GPRC5C: variants seen among roughly 807,000 people sequenced by gnomAD.
GPRC5C encodes the protein G protein-coupled receptor class C group 5 member C.
Under a neutral mutation model 31.4 loss-of-function variants are expected in GPRC5C, and 22 were observed. The ratio of observed to expected loss-of-function variants is 0.70; its 90% CI spans 0.50 to 1.00. The LOEUF (loss-of-function observed/expected upper bound fraction) is 1.00. Ranked by LOEUF, GPRC5C falls within the 50% of genes least tolerant of loss-of-function variation. The probability of loss-of-function intolerance (pLI) is 0.00; values close to 1 mark genes in which losing one functional copy is unlikely to be tolerated. For missense variants in GPRC5C, 557 were observed against 597.2 expected, an observed-to-expected ratio of 0.93 and a Z score of 0.70; for synonymous variants, 249 against 257.5, an observed-to-expected ratio of 0.97 and a Z score of 0.32.
In GPRC5C at chr17:74,440,817, G is replaced by A; in HGVS notation, c.1041G>A (p.Glu347=). ...AGAACAAGGCCTTTTCCATGGATGAGCCGGTTGCAGGTGGGTCTCTGTGGA... is the reference window on the plus strand; with the variant it reads ...AGAACAAGGCCTTTTCCATGGATGAACCGGTTGCAGGTGGGTCTCTGTGGA... ...FVENKAFSMD[E]PVAAKRPVSP... Residue 347 remains glutamate (E), a synonymous_variant, in exon 2 of 4, where the codon GAG becomes GAA. Coordinates refer to ENST00000392627, the MANE Select transcript of GPRC5C (RefSeq NM_022036.4). This position sits in a 1 kb window ranked among gnomAD's most constrained non-coding sequence, Gnocchi z 4.4. 1 of 1,489,212 alleles carries A rather than the reference G, an allele frequency of 6.7e-7. No individual in the cohort carries two copies. The highest frequency in any genetic ancestry group is 1.4e-5 in the South Asian group (1 of 69,564). 92.2% of individuals were successfully genotyped at this position (1,489,212 alleles called of 1,614,324 possible).
In GPRC5C at chr17:74,445,562, T is replaced by A. The variant is rs559802330; in HGVS notation, c.1147-1287T>A. The A allele has an allele frequency of 2.0e-5, 3 of 152,580 alleles. No individual in the cohort carries two copies. In the East Asian group the frequency reaches 5.8e-4, roughly 30 times the overall value. 9.5% of individuals were successfully genotyped at this position (152,580 alleles called of 1,614,324 possible). On this transcript the variant is annotated intron_variant, in intron 3 of 3. Transcript: ENST00000392627. ...CAGTGCAGGTGATTCCAATGCACAC[T>A]CATCTGTGGTTTTGGACCACAGATG... is the stretch of plus-strand genomic sequence containing the variant.
chr17:74,432,477 G>C, intron 1 of GPRC5C: 1 of 1,058,600 alleles, frequency 9.4e-7, no homozygotes, highest in Non-Finnish European at 1.1e-6. Context: ...TGGGGCTGGA[G>C]TTGGCCCCAA....
intron 1 of GPRC5C, among the ~76,000 whole-genome samples, chr17:74,437,969 A>G (rs968374589): frequency 1.3e-5 from 2 of 152,034 alleles, no homozygotes; most frequent in Non-Finnish European, 2.9e-5. Context: ...GACTACCTGC[A>G]TTCATAGAAT....
Position 74,440,867 on chromosome 17 carries a change from T to C in GPRC5C, c.1051+40T>C. 1 of 1,429,868 alleles carries C rather than the reference T, an allele frequency of 7.0e-7. No homozygotes were observed. The highest frequency in any genetic ancestry group is 9.2e-7 in the Non-Finnish European group (1 of 1,084,770). The allele number at this position is 1,429,868 out of a possible 1,614,324, so 88.6% of individuals were successfully genotyped here. On this transcript the variant is annotated intron_variant, in intron 2 of 3. Transcript: ENST00000392627. This position sits in a 1 kb window ranked among gnomAD's most constrained non-coding sequence, Gnocchi z 4.4. ...ATGCCCCCAGTGGCCCCTTTCTCCA[T>C]CCCATGTCTTTTACTGCAGGACAGG...
At chr17:74,437,343 G>A (rs2055447349) in intron 1 of GPRC5C, among the ~76,000 whole-genome samples, 1 of 152,170 alleles carries the variant, frequency 6.6e-6, no homozygotes, top group East Asian at 1.9e-4. Flanking sequence ...TTTAAGTCCT[G>A]CATTAGAAGT....
Position 74,446,902 on chromosome 17 carries a change from G to A in GPRC5C, c.1200G>A (p.Val400=), listed in dbSNP as rs1278563702. 1 of 1,614,018 alleles carries A rather than the reference G, an allele frequency of 6.2e-7. No individual in the cohort carries two copies. The highest frequency in any genetic ancestry group is 8.5e-7 in the Non-Finnish European group (1 of 1,179,902). ...CACGGGCCACCGCCAACAGCCAGGT[G>A]ATGGGCAGTGCCAACTCGACCCTGC... is the stretch of plus-strand genomic sequence containing the variant. The part of the protein sequence containing the change: ...ILPRATANSQ[V]MGSANSTLRA... Residue 400 remains valine, a synonymous_variant, in exon 4 of 4, where the codon GTG becomes GTA. Transcript: ENST00000392627.
At chr17:74,442,398 T>C (rs559094717) in intron 2 of GPRC5C, among the ~76,000 whole-genome samples, 4 of 152,340 alleles carry the variant, frequency 2.6e-5, no homozygotes, top group African/African-American at 9.6e-5. Flanking sequence ...CCTCAGCACC[T>C]GCTCTGTGCC....
intron 3 of GPRC5C, chr17:74,445,554 A>AT (rs2055614158): frequency 6.6e-6 from 1 of 152,496 alleles, no homozygotes. Context: ...GGTGATTCCA[A>AT]TGCACACTCA....
intron 1 of GPRC5C, chr17:74,432,456 C>A: frequency 1.8e-6 from 2 of 1,085,970 alleles, no homozygotes; most frequent in South Asian, 4.0e-5. Flanking sequence ...CACCCCCGCC[C>A]GCCCCCCGCC....
At chr17:74,436,877 A>G (rs2055439314) in intron 1 of GPRC5C, among the ~76,000 whole-genome samples, 2 of 152,204 alleles carry the variant, frequency 1.3e-5, no homozygotes, top group South Asian at 4.1e-4. Flanking sequence ...GTTGTTATCC[A>G]TAAATTATCT....
At chr17:74,445,986 C>CA (rs1555634001) in intron 3 of GPRC5C, 6 of 15,504 alleles carry the variant, frequency 3.9e-4, no homozygotes, top group African/African-American at 2.6e-4. Context: ...TAGTGAGACC[C>CA]CCCCCCCCCG....
At chr17:74,433,801 C>T (rs375690955) in intron 1 of GPRC5C, 2 of 1,386,882 alleles carry the variant, frequency 1.4e-6, no homozygotes, top group Non-Finnish European at 2.1e-6. Context: ...CTGGAGCTCT[C>T]TTTCCAGTGC....
chr17:74,433,894 G>A lies in GPRC5C; in HGVS notation c.-33+1753G>A, dbSNP rs2055392841. ...GAGCGAGGAAGGGAGTTTTGCTCTG[G>A]AGAAGTGAGAAGGCCTGGCTGTCTC... On this transcript the variant is annotated intron_variant, in intron 1 of 3. Transcript: ENST00000392627. 5 of 765,648 alleles carry A rather than the reference G, an allele frequency of 6.5e-6. No individual in the cohort carries two copies. In the South Asian group the frequency reaches 7.0e-5, roughly 11 times the overall value. 47.4% of individuals were successfully genotyped at this position (765,648 alleles called of 1,614,324 possible).
At chr17:74,436,941 C>T (rs367767186) in intron 1 of GPRC5C, among the ~76,000 whole-genome samples, 1 of 151,976 alleles carries the variant, frequency 6.6e-6, no homozygotes, top group Non-Finnish European at 1.5e-5. Context: ...TTGTTGTTGT[C>T]GTTGTTGTTT....
chr17:74,445,015 T>G (rs965690922), intron 3 of GPRC5C, among the ~76,000 whole-genome samples: 3 of 152,106 alleles, frequency 2.0e-5, no homozygotes, highest in Non-Finnish European at 2.9e-5. Flanking sequence ...TTTGAGAGGC[T>G]GAGGCAGGTG....
chr17:74,445,061 C>T, intron 3 of GPRC5C: 1 of 152,312 alleles, frequency 6.6e-6, no homozygotes, highest in Non-Finnish European at 1.5e-5. Flanking sequence ...ACCAGCCTGG[C>T]CAACATGCTG....
chr17:74,432,214 G>C, intron 1 of GPRC5C, 73 bp downstream of exon 1: 1 of 1,557,204 alleles, frequency 6.4e-7, no homozygotes, highest in Non-Finnish European at 8.7e-7. Context: ...GGAGCGCGGC[G>C]GGCGCCCGAT....
intron 2 of GPRC5C, chr17:74,443,575 G>C (rs1446222804): frequency 6.1e-6 from 4 of 658,238 alleles, no homozygotes; most frequent in Non-Finnish European, 1.1e-5. Flanking sequence ...TACAGTGCAG[G>C]GAAGCTCAGC....
rs2144422077 is a variant in GPRC5C at position 74,440,274 on chromosome 17, A to G, written c.498A>G (p.Val166=). 6.2e-7 allele frequency: 1 copy of G among 1,614,010 alleles called. No homozygotes were observed. The highest frequency in any genetic ancestry group is 8.5e-7 in the Non-Finnish European group (1 of 1,179,890). The part of the protein sequence containing the change: ...IFTVALLLTL[V]EVIINTEWLI... ...CTGTGGCTCTGCTGCTGACCCTGGT[A>G]GAGGTCATCATCAATACAGAGTGGC... is the stretch of plus-strand genomic sequence containing the variant. The change falls in exon 2 of 4, where the codon GTA becomes GTG. Residue 166 remains valine (V), a synonymous_variant. Coordinates refer to ENST00000392627, the MANE Select transcript of GPRC5C (RefSeq NM_022036.4). The surrounding 1 kb of genome is among the most constrained non-coding windows in gnomAD (Gnocchi z 4.4).
Sources: allele counts gnomAD v4.1 joint callset (sites outside exome capture counted in the v4.1 genomes callset), GRCh38; gene constraint gnomAD v4.1.1; non-coding constraint Gnocchi (gnomAD v3.1); transcripts MANE v1.5; gene names NCBI Gene and HGNC (gene_info 2026-07-23, HGNC 2026-07-21).